The following COMMD5 variants were observed in gnomAD, a reference collection of about 807,000 sequenced individuals.
The protein encoded by COMMD5 is COMM domain containing 5, also known as COMM domain-containing protein 5.
In COMMD5, 10 loss-of-function variants were observed where a neutral mutation model predicts 6.9. The ratio of observed to expected loss-of-function variants is 1.44; its 90% CI spans 0.89 to 2.45. The LOEUF is 2.45. COMMD5 is among the 30% of genes most tolerant of loss of function. The probability of loss-of-function intolerance (pLI) is 0.00; values close to 1 mark genes in which losing one functional copy is unlikely to be tolerated. For synonymous variants in COMMD5, 127 were observed against 125.3 expected (o/e 1.01, Z -0.09); for missense variants, 234 against 287.8 (o/e 0.81, Z 1.35).
chr8:144,841,690 T>G, exon 2 of COMMD5: 1 of 1,614,142 alleles, frequency 6.2e-7, no homozygotes, highest in Non-Finnish European at 8.5e-7. Context: ...GGAAGGGATG[T>G]CCCAGAGATG....
intron 1 of COMMD5, chr8:144,841,819 G>C: frequency 6.2e-7 from 1 of 1,614,180 alleles, no homozygotes; most frequent in Non-Finnish European, 8.5e-7. Context: ...CTGCTTGCAG[G>C]GGAAACATAC....
At chr8:144,844,723 A>C (rs1353054430) in intron 1 of COMMD5, among the ~76,000 whole-genome samples, 4 of 58,966 alleles carry the variant, frequency 6.8e-5, no homozygotes, top group South Asian at 6.9e-4. Flanking sequence ...AAAAAAAAAA[A>C]AAAAAAAAAA....
Position 144,841,804 on chromosome 8 carries a change from T to C in COMMD5, c.*117-61A>G. The C allele has an allele frequency of 6.2e-7, 1 of 1,614,154 alleles. No individual in the cohort carries two copies. Among genetic ancestry groups the C allele is most frequent in the Non-Finnish European group, 8.5e-7 (1 of 1,180,038 alleles). On this transcript the variant is annotated intron_variant and NMD_transcript_variant, in intron 1 of 1. Transcript: ENST00000530332. ...ATGTCAAGAATGCCAAAAAAAGTTA[T>C]CTGACTGCTTGCAGGGGAAACATAC... is the stretch of plus-strand genomic sequence containing the variant.
intron 1 of COMMD5, chr8:144,841,765 C>T: frequency 1.2e-6 from 2 of 1,614,114 alleles, no homozygotes; most frequent in Non-Finnish European, 1.7e-6. Context: ...AATTAATACA[C>T]AGAAAATTAG....
At chr8:144,840,669 G>A (rs1034443655), downstream of COMMD5, among the ~76,000 whole-genome samples, 2 of 152,086 alleles carry the variant, frequency 1.3e-5, no homozygotes, top group Non-Finnish European at 2.9e-5. Context: ...AAGGCCTCCT[G>A]GGGGCCTCCA....
chr8:144,841,173 A>G, exon 2 of COMMD5: 1 of 656,620 alleles, frequency 1.5e-6, no homozygotes, highest in African/African-American at 1.8e-5. Flanking sequence ...CAAGGTAAAA[A>G]GTATGAAACC....
downstream of COMMD5, among the ~76,000 whole-genome samples, chr8:144,839,829 C>T (rs991150316): frequency 3.9e-5 from 6 of 152,230 alleles, 1 homozygote; most frequent in African/African-American, 1.4e-4. Flanking sequence ...CAGGTCCCAG[C>T]TGTGCACCCC....
chr8:144,841,280 G>A (rs1449644254), exon 2 of COMMD5: 17 of 1,461,534 alleles, frequency 1.2e-5, no homozygotes, highest in Non-Finnish European at 1.5e-5. Flanking sequence ...CTTGAGCCCT[G>A]GCCCCCGCAT....
exon 2 of COMMD5, chr8:144,841,124 G>T: frequency 1.9e-6 from 1 of 519,112 alleles, no homozygotes; most frequent in South Asian, 2.7e-5. Flanking sequence ...ACCCAGCCCT[G>T]CCCCAGCAAT....
Position 144,850,684 on chromosome 8 carries a change from C to T in COMMD5, c.655G>A (p.Glu219Lys), listed in dbSNP as rs761332522. The T allele has an allele frequency of 6.2e-7, 1 of 1,613,678 alleles. No individual in the cohort carries two copies. Among genetic ancestry groups the T allele is most frequent in the South Asian group, 1.1e-5 (1 of 91,044 alleles). Residue 219 changes from glutamate (E) to lysine (K), a missense_variant, in exon 2 of 2, where the codon GAG becomes AAG. By Grantham distance (56) the Glu-to-Lys change is moderately conservative. Coordinates refer to ENST00000305103, the MANE Select transcript of COMMD5 (RefSeq NM_014066.4). The surrounding 1 kb of genome is among the most constrained non-coding windows in gnomAD (Gnocchi z 4.0). ...KEMADLEKRCERRLQD is the reference protein window; with the variant it reads ...KEMADLEKRCKRRLQD Reference sequence around the variant, plus strand: ...AGGGGTCAGTCCTGCAGTCTGCGCTCACACCTCTTCTCCAGATCTGCCATC... The same window carrying T: ...AGGGGTCAGTCCTGCAGTCTGCGCTTACACCTCTTCTCCAGATCTGCCATC...
At chr8:144,841,804 T>A in intron 1 of COMMD5, 1 of 1,614,154 alleles carries the variant, frequency 6.2e-7, no homozygotes, top group South Asian at 1.1e-5. Context: ...AAAAAAGTTA[T>A]CTGACTGCTT....
At chr8:144,841,163 C>A (rs1248050360) in exon 2 of COMMD5, 1 of 622,962 alleles carries the variant, frequency 1.6e-6, no homozygotes, top group Non-Finnish European at 2.8e-6. Context: ...AATGAGTGAA[C>A]AAGGTAAAAA....
intron 1 of COMMD5, chr8:144,843,183 A>G: frequency 6.4e-7 from 1 of 1,553,038 alleles, no homozygotes; most frequent in East Asian, 2.2e-5. Context: ...CTTACATATA[A>G]ATGTGTATAT....
rs1167313357 is a variant in COMMD5, at chr8:144,850,788, T to G, written c.551A>C (p.Asp184Ala). The change falls in exon 2 of 2, where the codon GAT becomes GCT. Residue 184 changes from aspartate to alanine, a missense_variant. By Grantham distance (126) the Asp-to-Ala change is moderately radical (BLOSUM62 -2). Coordinates refer to ENST00000305103, the MANE Select transcript of COMMD5 (RefSeq NM_014066.4). The surrounding 1 kb of genome is among the most constrained non-coding windows in gnomAD (Gnocchi z 4.0). ...GACCTCAAAGCGGTATGCTGACCCA[T>G]CTGAAAGCTTCAGCTGCATCAGGAC... ...PSVLMQLKLSDGSAYRFEVPT... is the reference protein window; with the variant it reads ...PSVLMQLKLSAGSAYRFEVPT... The G allele has an allele frequency of 1.2e-6, 2 of 1,613,958 alleles. No individual in the cohort carries two copies. Among genetic ancestry groups the G allele is most frequent in the Non-Finnish European group, 8.5e-7 (1 of 1,180,036 alleles).
Position 144,850,407 on chromosome 8 carries a change from G to A in COMMD5, c.*257C>T, listed in dbSNP as rs138063774. ...GCCACGTCCAGCACCAAAGACAAAT[G>A]TACAGGGAAGGGGAGGGTGTGAGGT... On this transcript the variant is annotated 3_prime_UTR_variant, in exon 2 of 2. Transcript: ENST00000305103. The surrounding 1 kb of genome is among the most constrained non-coding windows in gnomAD (Gnocchi z 4.0). 1.6e-3 allele frequency: 716 copies of A among 451,768 alleles called. 2 individuals are homozygous for A. The highest frequency in any genetic ancestry group is 0.013 in the African/African-American group (650 of 51,446). 28.0% of individuals were successfully genotyped at this position (451,768 alleles called of 1,614,324 possible). A position where few individuals can be genotyped will look rare whatever the true frequency, so the allele number is the denominator to read the frequency against.
chr8:144,841,885 A>G, intron 1 of COMMD5: 13 of 1,614,130 alleles, frequency 8.1e-6, no homozygotes, highest in Non-Finnish European at 1.1e-5. Context: ...GAAAGTCTTC[A>G]GGCTCTGCTC....
chr8:144,841,666 CAG>C (rs1220579136), exon 2 of COMMD5: 1 of 1,614,144 alleles, frequency 6.2e-7, no homozygotes, highest in East Asian at 2.2e-5. Flanking sequence ...TCTTGAAAGT[CAG>C]GGAGAGAGTG....
chr8:144,844,154 A>G (rs893397015), intron 1 of COMMD5, among the ~76,000 whole-genome samples: 4 of 152,186 alleles, frequency 2.6e-5, no homozygotes, highest in African/African-American at 9.7e-5. Context: ...TGAAACTCAG[A>G]GCCTTATTTG....
rs1830734815 is a variant in COMMD5 at position 144,851,317 on chromosome 8, T to C, written c.22A>G (p.Thr8Ala). Reference protein sequence around the residue: MSAVGAATPYLHHPGDSH... With the variant: MSAVGAAAPYLHHPGDSH... The stretch of plus-strand genomic sequence containing the variant: ...TCACCAGGATGATGCAGGTATGGAG[T>C]TGCAGCCCCCACAGCAGACATTGCT... Residue 8 changes from threonine to alanine, a missense_variant, in exon 2 of 2, where the codon ACT becomes GCT. Thr to Ala is a moderately conservative substitution (Grantham distance 58, BLOSUM62 0). Coordinates refer to ENST00000305103, the MANE Select transcript of COMMD5 (RefSeq NM_014066.4). The C allele has an allele frequency of 5.0e-6, 8 of 1,611,190 alleles. No individual in the cohort carries two copies. The highest frequency in any genetic ancestry group is 1.3e-5 in the African/African-American group (1 of 74,852).
Sources: gnomAD v4.1 joint callset for allele counts (sites outside exome capture counted in the v4.1 genomes callset) on GRCh38, gnomAD v4.1.1 for gene constraint, Gnocchi (gnomAD v3.1) non-coding constraint, MANE v1.5 for transcripts, NCBI Gene and HGNC (gene_info 2026-07-23, HGNC 2026-07-21) for gene names.